FMR1NB: variants seen among roughly 807,000 people sequenced by gnomAD.
FMR1NB encodes FMR1 neighbor.
Under a neutral mutation model 16.8 loss-of-function variants are expected in FMR1NB, and 10 were observed. The observed-to-expected ratio is 0.60, with a 90% CI of 0.37 to 1.01. FMR1NB has a LOEUF of 1.01. Ranked by LOEUF, FMR1NB falls within the 50% of genes least tolerant of loss-of-function variation. FMR1NB has a pLI of 0.01. For missense variants in FMR1NB, 205 were observed against 204.8 expected, an observed-to-expected ratio of 1.00 and a Z score of 0.00; for synonymous variants, 83 against 79.1, an observed-to-expected ratio of 1.05 and a Z score of -0.26.
intron 2 of FMR1NB, among the ~76,000 whole-genome samples, chrX:148,005,698 G>A (rs1401687279): frequency 5.4e-5 from 6 of 111,728 alleles, no homozygotes; most frequent in African/African-American, 1.9e-4. Flanking sequence ...GTAATAAAGT[G>A]TGTAAAGCAA....
chrX:147,996,483 C>T (rs955972909), intron 1 of FMR1NB, among the ~76,000 whole-genome samples: 3 of 110,658 alleles, frequency 2.7e-5, no homozygotes, highest in African/African-American at 9.9e-5. Flanking sequence ...CAACTTGAAG[C>T]CTCAGTAAAA....
At chrX:148,003,599 C>G (rs191709453) in intron 2 of FMR1NB, among the ~76,000 whole-genome samples, 1 of 112,222 alleles carries the variant, frequency 8.9e-6, no homozygotes, top group Non-Finnish European at 1.9e-5. Context: ...AATACTTTTC[C>G]TTCGCAAATA....
intron 1 of FMR1NB, among the ~76,000 whole-genome samples, chrX:147,996,790 T>A (rs2044544147): frequency 9.3e-6 from 1 of 107,967 alleles, no homozygotes; most frequent in South Asian, 4.1e-4. Flanking sequence ...TCCGTTGAAA[T>A]GTAGTTAGAT....
chrX:147,982,464 C>T (rs1385269830), intron 1 of FMR1NB, among the ~76,000 whole-genome samples: 1 of 108,688 alleles, frequency 9.2e-6, no homozygotes, highest in Non-Finnish European at 1.9e-5. Context: ...TGGCATTCAC[C>T]TGTAGTCCCA....
intron 4 of FMR1NB, among the ~76,000 whole-genome samples, chrX:148,014,245 T>A (rs1166452327): frequency 9.0e-6 from 1 of 111,022 alleles, no homozygotes; most frequent in Non-Finnish European, 1.9e-5. Context: ...CCAGAGAGGT[T>A]TCCTGGTACT....
At chrX:148,003,694 A>G (rs1445554125) in intron 2 of FMR1NB, among the ~76,000 whole-genome samples, 1 of 112,197 alleles carries the variant, frequency 8.9e-6, no homozygotes, top group African/African-American at 3.2e-5. Context: ...CTTCTGTGGC[A>G]TTAGTGAGGG....
chrX:148,016,541 C>A (rs1326491763), intron 4 of FMR1NB, among the ~76,000 whole-genome samples: 25 of 111,532 alleles, frequency 2.2e-4, no homozygotes, highest in Admixed American at 2.2e-3. Context: ...ACTTTCCTTC[C>A]TTCCTGTCTT....
intron 1 of FMR1NB, among the ~76,000 whole-genome samples, chrX:147,990,347 A>G (rs2044497966): frequency 9.0e-6 from 1 of 111,310 alleles, no homozygotes; most frequent in South Asian, 3.8e-4. Context: ...AATGAGATGA[A>G]CAGGGTACCT....
chrX:148,000,393 A>G (rs2044564652), intron 1 of FMR1NB, among the ~76,000 whole-genome samples: 1 of 111,804 alleles, frequency 8.9e-6, no homozygotes, highest in African/African-American at 3.2e-5. Flanking sequence ...GAAGCTTCCT[A>G]GGTTATTTTA....
chrX:148,015,134 A>T (rs936971089), intron 4 of FMR1NB, among the ~76,000 whole-genome samples: 1 of 111,752 alleles, frequency 8.9e-6, no homozygotes, highest in African/African-American at 3.3e-5. Context: ...AGTAGCCACT[A>T]TTGAACCTTT....
At chrX:148,024,417 A>G (rs1303403734) in intron 4 of FMR1NB, among the ~76,000 whole-genome samples, 2 of 111,937 alleles carry the variant, frequency 1.8e-5, no homozygotes, top group Non-Finnish European at 3.8e-5. Flanking sequence ...TGTATACCCA[A>G]TGACAACAGG....
intron 1 of FMR1NB, among the ~76,000 whole-genome samples, chrX:147,988,979 T>C (rs2044490332): frequency 8.9e-6 from 1 of 111,785 alleles, no homozygotes; most frequent in African/African-American, 3.3e-5. Context: ...AGGAGTTTGT[T>C]ATTACCCACC....
chrX:147,992,237 G>A (rs1282478332), intron 1 of FMR1NB, among the ~76,000 whole-genome samples: 7 of 101,150 alleles, frequency 6.9e-5, no homozygotes, highest in African/African-American at 2.7e-4. Flanking sequence ...AGGGGTGGCT[G>A]GGCAGAGGCG....
chrX:148,011,037 G>A (rs1249794304), intron 4 of FMR1NB, among the ~76,000 whole-genome samples: 2 of 110,926 alleles, frequency 1.8e-5, no homozygotes, highest in Non-Finnish European at 3.8e-5. Context: ...AGGCCAAGGC[G>A]GGCAGATCAC....
At chrX:148,000,444 T>A (rs2044564937) in intron 1 of FMR1NB, among the ~76,000 whole-genome samples, 1 of 112,104 alleles carries the variant, frequency 8.9e-6, no homozygotes, top group Admixed American at 9.5e-5. Context: ...AATTTACAGA[T>A]GTAGCACACA....
Position 148,024,994 on chromosome X carries a change from C to T in FMR1NB, c.762C>T (p.Asp254=), listed in dbSNP as rs199817863. The T allele has an allele frequency of 2.1e-5, 25 of 1,207,708 alleles. No homozygotes were observed. The highest frequency in any genetic ancestry group is 3.5e-5 in the African/African-American group (2 of 57,021). ...CAAGAGGACGTGAGGAACATGGTGA[C>T]GAGTAGCAAGAGACCAAAGGTAATT... ...KAARGREEHG[D]E is the part of the protein sequence containing the mutation. Residue 254 remains aspartate, a synonymous_variant, in exon 5 of 6, where the codon GAC becomes GAT. Transcript: ENST00000370467.
intron 4 of FMR1NB, among the ~76,000 whole-genome samples, chrX:148,021,557 A>G (rs953630004): frequency 5.5e-5 from 6 of 110,048 alleles, no homozygotes; most frequent in African/African-American, 2.0e-4. Context: ...TGAGGTTCCA[A>G]AACACCCAAC....
chrX:147,995,876 T>G (rs1440340956), intron 1 of FMR1NB, among the ~76,000 whole-genome samples: 1 of 112,113 alleles, frequency 8.9e-6, no homozygotes, highest in African/African-American at 3.2e-5. Context: ...AGCCCTAAGC[T>G]AGGAATCAAG....
At chrX:147,996,344 A>T in intron 1 of FMR1NB, among the ~76,000 whole-genome samples, 1 of 111,917 alleles carries the variant, frequency 8.9e-6, no homozygotes, top group Non-Finnish European at 1.9e-5. Context: ...TTTGCAGATG[A>T]GTAAACTGAG....
Sources: gnomAD v4.1 joint callset for allele counts (sites outside exome capture counted in the v4.1 genomes callset) on GRCh38, gnomAD v4.1.1 for gene constraint, MANE v1.5 for transcripts, NCBI Gene and HGNC (gene_info 2026-07-23, HGNC 2026-07-21) for gene names.